PKD1L1: variants seen among roughly 807,000 people sequenced by gnomAD.
PKD1L1 encodes the protein polycystin-1-like protein 1.
Under a neutral mutation model 323.4 loss-of-function variants are expected in PKD1L1, and 236 were observed. The ratio of observed to expected loss-of-function variants is 0.73; its 90% CI spans 0.66 to 0.81. The LOEUF (loss-of-function observed/expected upper bound fraction) is 0.81, where lower values mean the gene tolerates loss of function less well. PKD1L1 is among the 40% of genes least tolerant of loss of function. The probability of loss-of-function intolerance (pLI) is 0.00; values close to 1 mark genes in which losing one functional copy is unlikely to be tolerated. For synonymous variants in PKD1L1, 1,344 were observed against 1,335.0 expected (o/e 1.01, Z -0.15); for missense variants, 3,320 against 3,508.0 (o/e 0.95, Z 1.35).
intron 17 of PKD1L1, among the ~76,000 whole-genome samples, chr7:47,886,682 CT>C (rs1315743883): frequency 6.6e-6 from 1 of 152,298 alleles, no homozygotes; most frequent in Middle Eastern, 3.4e-3. Context: ...TGTCAGCTCC[CT>C]TTTGCCCTCC....
intron 50 of PKD1L1, among the ~76,000 whole-genome samples, chr7:47,809,962 A>G (rs1331000689): frequency 1.3e-5 from 2 of 152,210 alleles, no homozygotes; most frequent in Admixed American, 6.5e-5. Context: ...TAACATATGA[A>G]CTATATATAC....
chr7:47,943,266 C>G, intron 2 of PKD1L1, 130 bp downstream of exon 2: 1 of 661,434 alleles, frequency 1.5e-6, no homozygotes, highest in Non-Finnish European at 2.5e-6. Flanking sequence ...GGTTTAAGAT[C>G]ACTCTGACCT....
At chr7:47,775,409 A>T (rs1396371964) in intron 56 of PKD1L1, among the ~76,000 whole-genome samples, 1 of 152,230 alleles carries the variant, frequency 6.6e-6, no homozygotes, top group African/African-American at 2.4e-5. Flanking sequence ...CTTCAATAAC[A>T]TTCAAACGAT....
At chr7:47,806,602 T>A (rs1784783003) in intron 52 of PKD1L1, among the ~76,000 whole-genome samples, 1 of 152,256 alleles carries the variant, frequency 6.6e-6, no homozygotes, top group African/African-American at 2.4e-5. Context: ...ACAAAATAGA[T>A]ACATTCTCTA....
At chr7:47,935,277 G>T (rs1787846595) in intron 4 of PKD1L1, among the ~76,000 whole-genome samples, 1 of 152,312 alleles carries the variant, frequency 6.6e-6, no homozygotes, top group East Asian at 1.9e-4. Context: ...CTTAACTGGG[G>T]CTCCAGGGGA....
rs369070980 is a variant in PKD1L1, at chr7:47,888,053, G to A, written c.2773C>T (p.Pro925Ser). 9.3e-6 allele frequency: 15 copies of A among 1,613,776 alleles called. No individual in the cohort carries two copies. The highest frequency in any genetic ancestry group is 1.6e-4 in the Middle Eastern group (1 of 6,084). The change falls in exon 17 of 57, where the codon CCG (proline) becomes TCG (serine). Residue 925 changes from proline (P) to serine (S), a missense_variant. Coordinates refer to ENST00000289672, the MANE Select transcript of PKD1L1 (RefSeq NM_138295.5). ...QAMCEDCSEI[P>S]NLSYSWDLFL... The stretch of plus-strand genomic sequence containing the variant: ...AGATCCCAGGAATAAGACAGATTCG[G>A]TATTTCACTGCAGTCCTCACACATA...
At chr7:47,862,199 A>C (rs1786047280) in intron 26 of PKD1L1, among the ~76,000 whole-genome samples, 1 of 152,172 alleles carries the variant, frequency 6.6e-6, no homozygotes, top group South Asian at 2.1e-4. Context: ...TGTCTGAAAA[A>C]AAAAAGAGCA....
At position 47,931,969 on chromosome 7, in the gene PKD1L1, C is replaced by T. The variant is rs780944326; in HGVS notation, c.486G>A (p.Gly162=). 6.2e-7 allele frequency: 1 copy of T among 1,613,912 alleles called. No individual in the cohort carries two copies. Among genetic ancestry groups the T allele is most frequent in the South Asian group, 1.1e-5 (1 of 91,058 alleles). ...RFHHRRLCAT[G]TADSTFSALL... is the part of the protein sequence containing the mutation. ...GAGCAGAGAATGTGCTGTCTGCGGT[C>T]CCAGTAGCACACAGCCGCCTGTGAT... The change falls in exon 5 of 57, where the codon GGG becomes GGA. Residue 162 remains glycine (G), a synonymous_variant. Coordinates refer to ENST00000289672, the MANE Select transcript of PKD1L1 (RefSeq NM_138295.5).
intron 34 of PKD1L1, 93 bp downstream of exon 34, chr7:47,842,869 T>A (rs1583613730): frequency 1.7e-6 from 2 of 1,202,324 alleles, no homozygotes; most frequent in Admixed American, 5.0e-5. Flanking sequence ...CTGTGACAGG[T>A]GACAGACGGG....
At chr7:47,798,008 C>T (rs1784580004) in intron 54 of PKD1L1, among the ~76,000 whole-genome samples, 1 of 152,116 alleles carries the variant, frequency 6.6e-6, no homozygotes, top group African/African-American at 2.4e-5. Context: ...ATTAGGATGC[C>T]AATTCCCCCC....
Position 47,905,285 on chromosome 7 carries a change from G to A in PKD1L1, c.1563C>T (p.Asp521=). The A allele has an allele frequency of 6.2e-7, 1 of 1,614,096 alleles. No individual in the cohort carries two copies. Among genetic ancestry groups the A allele is most frequent in the Non-Finnish European group, 8.5e-7 (1 of 1,180,010 alleles). Residue 521 remains aspartate, a synonymous_variant, in exon 11 of 57, where the codon GAC becomes GAT. Coordinates refer to ENST00000289672, the MANE Select transcript of PKD1L1 (RefSeq NM_138295.5). ...TAACAGCTGTAAATGTAATGTCTGT[G>A]TCTGTGGCAAACACAGTTCCATTTG... ...VYTNGTVFAT[D]TDITFTAVTK...
rs1562935626 is a variant in PKD1L1 at position 47,800,705 on chromosome 7, T to C, written c.8137A>G (p.Met2713Val). ...LGLSKSDQRAMACYFGILLIV... is the reference protein window; with the variant it reads ...LGLSKSDQRAVACYFGILLIV... Reference sequence around the variant, plus strand: ...AAAAGGATCCCAAAGTAACAAGCCATGGCCCGCTGGTCAGACTTGGAAAGG... The same window carrying C: ...AAAAGGATCCCAAAGTAACAAGCCACGGCCCGCTGGTCAGACTTGGAAAGG... The change falls in exon 54 of 57, where the codon ATG becomes GTG. Residue 2713 changes from methionine to valine, a missense_variant. Physicochemically the swap from Met to Val is conservative, Grantham distance 21 (BLOSUM62 1). Coordinates refer to ENST00000289672, the MANE Select transcript of PKD1L1 (RefSeq NM_138295.5). The C allele has an allele frequency of 1.2e-6, 2 of 1,614,190 alleles. No homozygotes were observed. The highest frequency in any genetic ancestry group is 1.7e-6 in the Non-Finnish European group (2 of 1,180,036).
chr7:47,907,749 G>A (rs1787236891), intron 9 of PKD1L1, among the ~76,000 whole-genome samples: 1 of 152,180 alleles, frequency 6.6e-6, no homozygotes, highest in African/African-American at 2.4e-5. Flanking sequence ...GTTAGATAAA[G>A]TTCCTATCTC....
chr7:47,776,586 C>T (rs768839981), intron 56 of PKD1L1, among the ~76,000 whole-genome samples: 7 of 152,090 alleles, frequency 4.6e-5, no homozygotes, highest in Non-Finnish European at 8.8e-5. Context: ...TTCTTCATAC[C>T]CCAGTGCTGA....
At chr7:47,888,661 C>T (rs926779406) in intron 16 of PKD1L1, among the ~76,000 whole-genome samples, 12 of 152,266 alleles carry the variant, frequency 7.9e-5, no homozygotes, top group Non-Finnish European at 1.3e-4. Context: ...GATGTCTCCA[C>T]TGCCTCGGCC....
At position 47,828,476 on chromosome 7, in the gene PKD1L1, T is replaced by C. The variant is rs745951786; in HGVS notation, c.6735+949A>G. ...AGCTAAGGTGCTGCAGGGCGGGGGGTGCAGGAGGAAAGGGCAAGGTGGGCC... is the reference window on the plus strand; with the variant it reads ...AGCTAAGGTGCTGCAGGGCGGGGGGCGCAGGAGGAAAGGGCAAGGTGGGCC... On this transcript the variant is annotated intron_variant, in intron 44 of 56. Transcript: ENST00000289672. Among the ~76,000 whole-genome samples the C allele has an allele frequency of 4.1e-4, 62 of 151,260 alleles. 1 individual carries two copies. Among genetic ancestry groups the C allele is most frequent in the Admixed American group, 1.3e-4 (2 of 15,198 alleles).
At chr7:47,960,686 T>A in the PKD1L1 span, among the ~76,000 whole-genome samples, 1 of 142,320 alleles carries the variant, frequency 7.0e-6, no homozygotes. Flanking sequence ...AAATAATTTT[T>A]CTAATTAAAA....
chr7:47,782,862 G>A (rs1786727050), intron 56 of PKD1L1, among the ~76,000 whole-genome samples: 1 of 152,200 alleles, frequency 6.6e-6, no homozygotes, highest in African/African-American at 2.4e-5. Flanking sequence ...ATAGTTAAGA[G>A]TGCAAAACCA....
chr7:47,954,389 T>C, the PKD1L1 span, among the ~76,000 whole-genome samples: 1 of 152,196 alleles, frequency 6.6e-6, no homozygotes, highest in Non-Finnish European at 1.5e-5. Context: ...TGATGAGAAG[T>C]GATGAAGTCA....
Sources: gnomAD v4.1 joint callset for allele counts (sites outside exome capture counted in the v4.1 genomes callset) on GRCh38, gnomAD v4.1.1 for gene constraint, MANE v1.5 for transcripts, NCBI Gene and HGNC (gene_info 2026-07-23, HGNC 2026-07-21) for gene names.